The following PDCD11 variants were observed in gnomAD, a reference collection of about 807,000 sequenced individuals.
PDCD11 encodes the protein protein RRP5 homolog.
In PDCD11, 97 loss-of-function variants were observed where a neutral mutation model predicts 198.9. The ratio of observed to expected loss-of-function variants is 0.49; its 90% CI spans 0.41 to 0.58. The LOEUF is 0.58. PDCD11 is among the 20% of genes least tolerant of loss of function. The pLI, the probability that PDCD11 is intolerant of heterozygous loss-of-function variation, is 0.00. For synonymous variants in PDCD11, 893 were observed against 918.0 expected (o/e 0.97, Z 0.49); for missense variants, 2,102 against 2,312.7 (o/e 0.91, Z 1.87).
intron 34 of PDCD11, 34 bp downstream of exon 34, chr10:103,444,102 G>A (rs1564781388): frequency 1.9e-6 from 3 of 1,595,164 alleles, no homozygotes; most frequent in African/African-American, 1.3e-5. Context: ...GAGCCCATGA[G>A]CACTCCAGGA....
chr10:103,419,686 T>G lies in PDCD11; in HGVS notation c.2255T>G (p.Leu752Arg), dbSNP rs768231615. ...YGVFIQFPSG[L>R]SGLAPKAIMS... Reference sequence around the variant, plus strand: ...GTGTTCATCCAGTTCCCCTCAGGTCTTAGCGGACTGGCCCCAAAAGCTGTA... The same window carrying G: ...GTGTTCATCCAGTTCCCCTCAGGTCGTAGCGGACTGGCCCCAAAAGCTGTA... Residue 752 changes from leucine (L) to arginine (R), a missense_variant, in exon 16 of 36, where the codon CTT becomes CGT. Coordinates refer to ENST00000369797, the MANE Select transcript of PDCD11 (RefSeq NM_014976.2). The G allele has an allele frequency of 6.2e-7, 1 of 1,614,030 alleles. No individual in the cohort carries two copies. Among genetic ancestry groups the G allele is most frequent in the South Asian group, 1.1e-5 (1 of 91,038 alleles).
chr10:103,398,675 G>T, intron 2 of PDCD11, 147 bp downstream of exon 2: 1 of 636,030 alleles, frequency 1.6e-6, no homozygotes, highest in East Asian at 2.7e-5. Context: ...ATTTAGAGAG[G>T]CCATACCACC....
At chr10:103,429,268 G>T (rs542396145) in intron 21 of PDCD11, among the ~76,000 whole-genome samples, 1 of 152,164 alleles carries the variant, frequency 6.6e-6, no homozygotes, top group African/African-American at 2.4e-5. Flanking sequence ...TGGCATTCCT[G>T]TTAGCCAGTG....
At chr10:103,436,779 G>A (rs959113764) in intron 25 of PDCD11, among the ~76,000 whole-genome samples, 11 of 152,204 alleles carry the variant, frequency 7.2e-5, no homozygotes, top group African/African-American at 2.7e-4. Flanking sequence ...CAGCTCTGAT[G>A]GCTATGATGC....
rs1158031114 is a variant in PDCD11 at position 103,417,928 on chromosome 10, G to C, written c.1907G>C (p.Gly636Ala). ...SQKKGKAINI[G>A]QLVDVKVLEK... is the part of the protein sequence containing the mutation. ...AAGAAAGGAAAAGCCATTAACATTG[G>C]GCAGGTACGTGGACTTCTCTGGACA... Residue 636 changes from glycine to alanine, a missense_variant, in exon 14 of 36, where the codon GGG becomes GCG. Coordinates refer to ENST00000369797, the MANE Select transcript of PDCD11 (RefSeq NM_014976.2). The C allele has an allele frequency of 6.2e-7, 1 of 1,613,990 alleles. No individual in the cohort carries two copies. The highest frequency in any genetic ancestry group is 1.3e-5 in the African/African-American group (1 of 74,904).
intron 1 of PDCD11, among the ~76,000 whole-genome samples, chr10:103,397,121 T>G (rs1018172544): frequency 1.3e-5 from 2 of 152,122 alleles, no homozygotes; most frequent in African/African-American, 2.4e-5. Context: ...TATTACCAAG[T>G]GTCTGTCAGA....
chr10:103,426,772 T>G (rs1413502441), intron 20 of PDCD11, among the ~76,000 whole-genome samples: 3 of 144,704 alleles, frequency 2.1e-5, no homozygotes, highest in Non-Finnish European at 4.5e-5. Flanking sequence ...GGCAAGAGAG[T>G]GAGACTCCGT....
chr10:103,400,242 TA>T (rs34500451), intron 2 of PDCD11, among the ~76,000 whole-genome samples, 154 bp from the exon 3 acceptor site: 1 of 142,344 alleles, frequency 7.0e-6, no homozygotes, highest in African/African-American at 2.6e-5. Flanking sequence ...TTTTTTTTTT[TA>T]AGCAAGAATT....
intron 4 of PDCD11, among the ~76,000 whole-genome samples, chr10:103,403,671 A>G (rs944800691): frequency 2.0e-5 from 3 of 152,204 alleles, no homozygotes; most frequent in African/African-American, 7.2e-5. Context: ...AAATTCTAGA[A>G]TCAATGGGAA....
chr10:103,442,179 A>G (rs2032412177), intron 31 of PDCD11, 34 bp from the exon 32 acceptor site: 15 of 1,610,370 alleles, frequency 9.3e-6, no homozygotes, highest in Non-Finnish European at 1.2e-5. Flanking sequence ...CTTGAGGAGC[A>G]GATGACTCAC....
chr10:103,441,726 G>C (rs2032390905), intron 30 of PDCD11, 100 bp from the exon 31 acceptor site: 1 of 1,112,082 alleles, frequency 9.0e-7, no homozygotes, highest in Admixed American at 2.0e-5. Context: ...AGGGGTCTCT[G>C]GGCTTGGTAG....
rs997355915 is a variant in PDCD11 at position 103,400,476 on chromosome 10, A to C, written c.182A>C (p.Lys61Thr). 2.5e-6 allele frequency: 4 copies of C among 1,614,146 alleles called. No homozygotes were observed. In the East Asian group the frequency reaches 8.9e-5, roughly 36 times the overall value. ...PAKTKKLKIE[K>T]RESSKSAREK... The stretch of plus-strand genomic sequence containing the variant: ...AAAACAAAAAAGTTGAAAATCGAAA[A>C]GAGAGAAAGCAGCAAGTCCGCAAGA... Residue 61 changes from lysine to threonine, a missense_variant, in exon 3 of 36, where the codon AAG becomes ACG. Physicochemically the swap from Lys to Thr is moderately conservative, Grantham distance 78. Coordinates refer to ENST00000369797, the MANE Select transcript of PDCD11 (RefSeq NM_014976.2).
In PDCD11 at chr10:103,419,583, C is replaced by G. The variant is rs1564765746; in HGVS notation, c.2152C>G (p.Gln718Glu). 6.2e-7 allele frequency: 1 copy of G among 1,613,946 alleles called. No homozygotes were observed. Among genetic ancestry groups the G allele is most frequent in the Non-Finnish European group, 8.5e-7 (1 of 1,180,008 alleles). Residue 718 changes from glutamine to glutamate, a missense_variant, in exon 16 of 36, where the codon CAG becomes GAG. By Grantham distance (29) the Gln-to-Glu change is conservative. Coordinates refer to ENST00000369797, the MANE Select transcript of PDCD11 (RefSeq NM_014976.2). ...CTTGGTCTCCACAGTAGAAGGTGGC[C>G]AGGATCCCAAGAACTTCTCAGAAAT... Reference protein sequence around the residue: ...PALVSTVEGGQDPKNFSEIHP... With the variant: ...PALVSTVEGGEDPKNFSEIHP...
chr10:103,418,637 A>G lies in PDCD11; in HGVS notation c.2106+3A>G. On this transcript the variant is annotated splice_donor_region_variant and intron_variant, in intron 15 of 35. Transcript: ENST00000369797. Reference sequence around the variant, plus strand: ...TGAGCCAGAGCGAGGGGCGTGTTGTATCCTTGACTGGTATCTGTGGAGCAG... The same window carrying G: ...TGAGCCAGAGCGAGGGGCGTGTTGTGTCCTTGACTGGTATCTGTGGAGCAG... The G allele has an allele frequency of 6.2e-7, 1 of 1,612,328 alleles. No homozygotes were observed. The highest frequency in any genetic ancestry group is 8.5e-7 in the Non-Finnish European group (1 of 1,178,682).
intron 22 of PDCD11, among the ~76,000 whole-genome samples, chr10:103,432,994 G>C (rs1333565139): frequency 6.6e-6 from 1 of 152,200 alleles, no homozygotes; most frequent in East Asian, 1.9e-4. Context: ...GTTCAGCACA[G>C]ATAACCTTCC....
In PDCD11 at chr10:103,405,972, T is replaced by G. The variant is rs1210456670; in HGVS notation, c.565-13T>G. 21 of 1,613,028 alleles carry G rather than the reference T, an allele frequency of 1.3e-5. No individual in the cohort carries two copies. The Middle Eastern group carries it at 6.6e-4, about 51-fold the overall frequency. ...TTGAATTGGAACTTCTGGGACTACT[T>G]TCTCTTCCCCAGCTACTTACAGGTA... On this transcript the variant is annotated splice_polypyrimidine_tract_variant and intron_variant, in intron 5 of 35. Coordinates refer to ENST00000369797, the MANE Select transcript of PDCD11 (RefSeq NM_014976.2).
chr10:103,420,437 C>T (rs1013253751), intron 16 of PDCD11, among the ~76,000 whole-genome samples: 1 of 152,152 alleles, frequency 6.6e-6, no homozygotes, highest in Non-Finnish European at 1.5e-5. Context: ...CCTCCCCCAC[C>T]CCCATGTCAT....
At chr10:103,403,008 C>A in intron 3 of PDCD11, 110 bp from the exon 4 acceptor site, 1 of 1,007,998 alleles carries the variant, frequency 9.9e-7, no homozygotes, top group Non-Finnish European at 1.5e-6. Flanking sequence ...GGGCGTAAGC[C>A]ACTGTGCTTG....
chr10:103,442,147 C>G, intron 31 of PDCD11, 66 bp from the exon 32 acceptor site: 1 of 1,592,668 alleles, frequency 6.3e-7, no homozygotes, highest in Non-Finnish European at 8.6e-7. Flanking sequence ...CTCGTGACTT[C>G]CACCACAGAC....
Sources: allele counts gnomAD v4.1 joint callset (sites outside exome capture counted in the v4.1 genomes callset), GRCh38; gene constraint gnomAD v4.1.1; transcripts MANE v1.5; gene names NCBI Gene and HGNC (gene_info 2026-07-23, HGNC 2026-07-21).